The following PPP1R12A variants were observed in gnomAD, a reference collection of about 807,000 sequenced individuals.
PPP1R12A encodes myosin binding subunit.
A neutral mutation model predicts 139.6 loss-of-function variants in PPP1R12A; 19 were observed. The observed-to-expected ratio is 0.14, with a 90% CI of 0.09 to 0.20. The LOEUF (loss-of-function observed/expected upper bound fraction) is 0.20, where lower values mean the gene tolerates loss of function less well. PPP1R12A is among the 10% of genes least tolerant of loss of function. The pLI, the probability that PPP1R12A is intolerant of heterozygous loss-of-function variation, is 1.00. For synonymous variants in PPP1R12A, 427 were observed against 420.6 expected (o/e 1.02, Z -0.19); for missense variants, 925 against 1,211.5 (o/e 0.76, Z 3.51).
intron 1 of PPP1R12A, among the ~76,000 whole-genome samples, chr12:79,922,217 C>T (rs935581525): frequency 6.6e-6 from 1 of 152,150 alleles, no homozygotes; most frequent in African/African-American, 2.4e-5. Flanking sequence ...GCTGTGTTCA[C>T]ACCACTGCAC....
At chr12:79,866,068 T>C (rs1159792129) in intron 2 of PPP1R12A, among the ~76,000 whole-genome samples, 4 of 152,092 alleles carry the variant, frequency 2.6e-5, no homozygotes, top group African/African-American at 9.7e-5. Flanking sequence ...ACTTCCAAAC[T>C]TTACTAGAAG....
chr12:79,842,030 C>A lies in PPP1R12A; in HGVS notation c.487+3272G>T, dbSNP rs542945489. 5.9e-5 allele frequency among the ~76,000 whole-genome samples: 9 copies of A among 151,578 alleles called. No individual in the cohort carries two copies. In the South Asian group the frequency reaches 1.9e-3, roughly 31 times the overall value. On this transcript the variant is annotated intron_variant, in intron 3 of 24. Coordinates refer to ENST00000450142, the MANE Select transcript of PPP1R12A (RefSeq NM_002480.3). ...AAGATAGTTTTTTTTTTAAACAAACCCACAGTTGGCTAGATGCGGTCGCTC... is the reference window on the plus strand; with the variant it reads ...AAGATAGTTTTTTTTTTAAACAAACACACAGTTGGCTAGATGCGGTCGCTC...
At chr12:79,817,654 G>A (rs1032476803) in intron 8 of PPP1R12A, 136 bp from the exon 9 acceptor site, 34 of 758,792 alleles carry the variant, frequency 4.5e-5, no homozygotes, top group Middle Eastern at 4.2e-4. Flanking sequence ...ATTCCTTTTC[G>A]CAAGTCAGTT....
chr12:79,900,887 T>C (rs574791150), intron 1 of PPP1R12A, among the ~76,000 whole-genome samples: 2 of 152,324 alleles, frequency 1.3e-5, no homozygotes, highest in East Asian at 3.9e-4. Flanking sequence ...AATTTCCAAG[T>C]GTCCATTCTC....
intron 1 of PPP1R12A, among the ~76,000 whole-genome samples, chr12:79,876,753 C>A (rs1266906440): frequency 6.6e-6 from 1 of 151,888 alleles, no homozygotes; most frequent in East Asian, 1.9e-4. Flanking sequence ...TACAGTGTAC[C>A]CAAAAAGTTT....
intron 1 of PPP1R12A, among the ~76,000 whole-genome samples, chr12:79,885,461 G>C (rs1326290909): frequency 6.6e-6 from 1 of 152,034 alleles, no homozygotes; most frequent in Non-Finnish European, 1.5e-5. Flanking sequence ...ACAGTTAAAT[G>C]GCAAAGAATT....
chr12:79,898,099 G>C (rs189970096), intron 1 of PPP1R12A, among the ~76,000 whole-genome samples: 50 of 152,210 alleles, frequency 3.3e-4, no homozygotes, highest in African/African-American at 1.2e-3. Flanking sequence ...TCTGACATTT[G>C]CCTTAAGATC....
chr12:79,933,582 A>G (rs1036121552), intron 1 of PPP1R12A, among the ~76,000 whole-genome samples: 1 of 152,202 alleles, frequency 6.6e-6, no homozygotes, highest in Non-Finnish European at 1.5e-5. Flanking sequence ...GTCATTTTCT[A>G]TTACAGTTAT....
intron 5 of PPP1R12A, among the ~76,000 whole-genome samples, chr12:79,827,246 A>T (rs1228529061): frequency 1.3e-5 from 2 of 151,932 alleles, no homozygotes; most frequent in Non-Finnish European, 2.9e-5. Context: ...ATTCCCCCAA[A>T]TTTTTTTACT....
chr12:79,857,033 C>A (rs893583887), intron 2 of PPP1R12A, among the ~76,000 whole-genome samples: 1 of 152,222 alleles, frequency 6.6e-6, no homozygotes, highest in Non-Finnish European at 1.5e-5. Flanking sequence ...GCTCCCAACT[C>A]GCAGAGGCAA....
At chr12:79,864,557 G>C (rs1449807009) in intron 2 of PPP1R12A, among the ~76,000 whole-genome samples, 1 of 152,022 alleles carries the variant, frequency 6.6e-6, no homozygotes, top group Non-Finnish European at 1.5e-5. Context: ...TTTTTGAAAA[G>C]ATCAACAAAA....
rs571687513 is a variant in PPP1R12A at position 79,839,886 on chromosome 12, G to C, written c.487+5416C>G. On this transcript the variant is annotated intron_variant, in intron 3 of 24. Transcript: ENST00000450142. Reference sequence around the variant, plus strand: ...ATTTCTTCATAGCATCATGAGAATGGACTAATACAACTAGAGATATATTTA... The same window carrying C: ...ATTTCTTCATAGCATCATGAGAATGCACTAATACAACTAGAGATATATTTA... 3.0e-3 allele frequency among the ~76,000 whole-genome samples: 455 copies of C among 152,224 alleles called. 1 individual carries two copies. The highest frequency in any genetic ancestry group is 4.3e-3 in the Non-Finnish European group (295 of 68,018).
chr12:79,896,285 C>A (rs1885124283), intron 1 of PPP1R12A, among the ~76,000 whole-genome samples: 1 of 152,102 alleles, frequency 6.6e-6, no homozygotes, highest in South Asian at 2.1e-4. Flanking sequence ...ATAACATAAA[C>A]CTAGGCCTTT....
At chr12:79,911,602 G>T (rs916070191) in intron 1 of PPP1R12A, among the ~76,000 whole-genome samples, 2 of 150,776 alleles carry the variant, frequency 1.3e-5, no homozygotes, top group African/African-American at 2.4e-5. Flanking sequence ...GAAATAAAAG[G>T]TTTTTTTTTA....
At chr12:79,814,518 T>TAAA (rs1447977777) in intron 9 of PPP1R12A, among the ~76,000 whole-genome samples, 1 of 118,752 alleles carries the variant, frequency 8.4e-6, no homozygotes, top group African/African-American at 3.2e-5. Flanking sequence ...CCCTCTTCAT[T>TAAA]AAAAAAAAAA....
At chr12:79,799,540 G>T (rs1872855325) in intron 14 of PPP1R12A, among the ~76,000 whole-genome samples, 2 of 151,988 alleles carry the variant, frequency 1.3e-5, no homozygotes, top group Non-Finnish European at 2.9e-5. Flanking sequence ...AAATTCCAGT[G>T]TTTTTTTATA....
At chr12:79,831,177 C>T (rs898872733) in intron 4 of PPP1R12A, among the ~76,000 whole-genome samples, 5 of 151,760 alleles carry the variant, frequency 3.3e-5, no homozygotes, top group African/African-American at 1.2e-4. Flanking sequence ...GTTGGCAACT[C>T]ACAAAAGTTT....
intron 3 of PPP1R12A, among the ~76,000 whole-genome samples, chr12:79,833,186 G>A (rs569927134): frequency 2.1e-4 from 32 of 151,868 alleles, no homozygotes; most frequent in South Asian, 1.7e-3. Context: ...TGGAAGGATC[G>A]CTTGAGCCAG....
chr12:79,830,886 G>C (rs181748657), intron 4 of PPP1R12A, among the ~76,000 whole-genome samples: 1 of 152,204 alleles, frequency 6.6e-6, no homozygotes, highest in Admixed American at 6.5e-5. Flanking sequence ...AGGCAATGGT[G>C]GTAGCTTAGC....
Sources: gnomAD v4.1 joint callset for allele counts (sites outside exome capture counted in the v4.1 genomes callset) on GRCh38, gnomAD v4.1.1 for gene constraint, MANE v1.5 for transcripts, NCBI Gene and HGNC (gene_info 2026-07-23, HGNC 2026-07-21) for gene names.